Variants in PKIA observed in about 807,000 individuals in gnomAD.
The protein encoded by PKIA is cAMP-dependent protein kinase inhibitor alpha.
In PKIA, 4 loss-of-function variants were observed where a neutral mutation model predicts 7.6. The observed-to-expected ratio is 0.52, with a 90% CI of 0.26 to 1.20. The LOEUF is 1.20. Ranked by LOEUF, PKIA falls within the 50% of genes most tolerant of loss-of-function variation. The probability of loss-of-function intolerance (pLI) is 0.13; values close to 1 mark genes in which losing one functional copy is unlikely to be tolerated. For synonymous variants in PKIA, 21 were observed against 30.7 expected (o/e 0.68, Z 1.04); for missense variants, 73 against 86.2 (o/e 0.85, Z 0.61).
chr8:78,532,251 T>C (rs1380028251), intron 1 of PKIA, among the ~76,000 whole-genome samples: 1 of 152,048 alleles, frequency 6.6e-6, no homozygotes, highest in East Asian at 1.9e-4. Flanking sequence ...TATTTAATAT[T>C]AATAAAATTT....
At chr8:78,553,168 C>T (rs1463899485) in intron 1 of PKIA, among the ~76,000 whole-genome samples, 4 of 149,680 alleles carry the variant, frequency 2.7e-5, no homozygotes, top group African/African-American at 9.8e-5. Context: ...TGACTTTATA[C>T]TCCAGTACCC....
At chr8:78,566,209 A>G (rs1807409077) in intron 1 of PKIA, among the ~76,000 whole-genome samples, 2 of 152,164 alleles carry the variant, frequency 1.3e-5, no homozygotes, top group African/African-American at 4.8e-5. Flanking sequence ...CTGTTGATTT[A>G]CATATTTGGT....
At chr8:78,601,625 C>T (rs907340931) in intron 3 of PKIA, 117 bp from the exon 4 acceptor site, 8 of 753,614 alleles carry the variant, frequency 1.1e-5, no homozygotes, top group Non-Finnish European at 1.6e-5. Flanking sequence ...CTTGTTCCTT[C>T]AAGGTTTCAG....
intron 1 of PKIA, among the ~76,000 whole-genome samples, chr8:78,572,526 CA>C (rs1004570255): frequency 1.4e-5 from 2 of 145,432 alleles, no homozygotes; most frequent in South Asian, 2.2e-4. Flanking sequence ...CACCCCATCA[CA>C]AAAAAAGCTG....
chr8:78,565,149 C>G lies in PKIA; in HGVS notation c.-156-7662C>G, dbSNP rs1807372504. ...CTGATTATACTTCCACATTATTTGG[C>G]AGAAAAATAAGAAATGTCACTTATA... On this transcript the variant is annotated intron_variant, in intron 1 of 3. Transcript: ENST00000396418. 2.0e-5 allele frequency among the ~76,000 whole-genome samples: 3 copies of G among 151,822 alleles called. No homozygotes were observed. The South Asian group carries it at 6.2e-4, about 32-fold the overall frequency.
chr8:78,552,592 A>G (rs1237764116), intron 1 of PKIA, among the ~76,000 whole-genome samples: 1 of 152,026 alleles, frequency 6.6e-6, no homozygotes, highest in Non-Finnish European at 1.5e-5. Flanking sequence ...TTGCTTAGCA[A>G]CAGAATCAGG....
At chr8:78,550,971 A>G (rs1806969649) in intron 1 of PKIA, among the ~76,000 whole-genome samples, 1 of 152,214 alleles carries the variant, frequency 6.6e-6, no homozygotes, top group South Asian at 2.1e-4. Flanking sequence ...TTTTATCTGG[A>G]TGAATTGCAA....
intron 1 of PKIA, among the ~76,000 whole-genome samples, chr8:78,554,950 T>G (rs1434897507): frequency 6.6e-6 from 1 of 152,032 alleles, no homozygotes; most frequent in African/African-American, 2.4e-5. Flanking sequence ...ATGAACCAGA[T>G]TTCTACAATC....
intron 1 of PKIA, among the ~76,000 whole-genome samples, chr8:78,523,946 T>A (rs1245832455): frequency 1.5e-5 from 2 of 135,888 alleles, no homozygotes; most frequent in African/African-American, 2.8e-5. Flanking sequence ...ATATAAACAT[T>A]TATATTTATA....
At chr8:78,589,972 GT>G (rs1184876450) in intron 2 of PKIA, among the ~76,000 whole-genome samples, 1 of 152,134 alleles carries the variant, frequency 6.6e-6, no homozygotes, top group African/African-American at 2.4e-5. Flanking sequence ...CAAACTAGTT[GT>G]TCAAACTTGG....
intron 1 of PKIA, among the ~76,000 whole-genome samples, chr8:78,555,453 A>G (rs1488710244): frequency 7.2e-5 from 11 of 152,220 alleles, no homozygotes. Context: ...TCTGCTAGGC[A>G]TCAGAACTTT....
At chr8:78,569,425 G>A (rs1807496715) in intron 1 of PKIA, among the ~76,000 whole-genome samples, 1 of 152,076 alleles carries the variant, frequency 6.6e-6, no homozygotes, top group African/African-American at 2.4e-5. Flanking sequence ...GGCCATGTGA[G>A]TCAGCGTCCC....
intron 2 of PKIA, among the ~76,000 whole-genome samples, chr8:78,586,734 C>T (rs1314350614): frequency 6.6e-6 from 1 of 152,108 alleles, no homozygotes; most frequent in East Asian, 1.9e-4. Flanking sequence ...ATATTGATGG[C>T]AAACCATTAA....
intron 1 of PKIA, among the ~76,000 whole-genome samples, chr8:78,541,489 T>A (rs1806686175): frequency 6.6e-6 from 1 of 152,170 alleles, no homozygotes; most frequent in African/African-American, 2.4e-5. Flanking sequence ...CAATAGCACA[T>A]CCTTATTAAA....
At chr8:78,543,869 C>CT (rs1806756643) in intron 1 of PKIA, among the ~76,000 whole-genome samples, 2 of 152,116 alleles carry the variant, frequency 1.3e-5, no homozygotes, top group African/African-American at 4.8e-5. Context: ...TATCCTGGCA[C>CT]TTCAGGCATT....
At chr8:78,597,803 G>C (rs1474311895) in intron 2 of PKIA, among the ~76,000 whole-genome samples, 2 of 151,954 alleles carry the variant, frequency 1.3e-5, no homozygotes, top group Non-Finnish European at 2.9e-5. Flanking sequence ...TGAGTAGTTG[G>C]GATAGAGATC....
intron 1 of PKIA, chr8:78,534,777 T>G (rs559702224): frequency 7.2e-5 from 11 of 152,256 alleles, no homozygotes; most frequent in African/African-American, 2.6e-4. Context: ...ATGTAATTTC[T>G]CAAAAATCAG....
chr8:78,601,965 A>T lies in PKIA; in HGVS notation c.*144A>T. The T allele has an allele frequency of 1.6e-6, 1 of 643,030 alleles. No individual in the cohort carries two copies. Among genetic ancestry groups the T allele is most frequent in the East Asian group, 2.7e-5 (1 of 36,450 alleles). The allele number at this position is 643,030 out of a possible 1,614,324, so 39.8% of individuals were successfully genotyped here. On this transcript the variant is annotated 3_prime_UTR_variant, in exon 4 of 4. Coordinates refer to ENST00000396418, the MANE Select transcript of PKIA (RefSeq NM_006823.4). ...GAACCTGCTCATTATCATGTTAAAAATGAGGGCAGAGGCTGTGGCTGCAGG... is the reference window on the plus strand; with the variant it reads ...GAACCTGCTCATTATCATGTTAAAATTGAGGGCAGAGGCTGTGGCTGCAGG...
At chr8:78,549,770 G>A (rs537193189) in intron 1 of PKIA, among the ~76,000 whole-genome samples, 4 of 150,708 alleles carry the variant, frequency 2.7e-5, no homozygotes, top group South Asian at 2.1e-4. Flanking sequence ...TAGGAAAAGC[G>A]ATTACTTGAG....
Sources: gnomAD v4.1 joint callset for allele counts (sites outside exome capture counted in the v4.1 genomes callset) on GRCh38, gnomAD v4.1.1 for gene constraint, MANE v1.5 for transcripts, NCBI Gene and HGNC (gene_info 2026-07-23, HGNC 2026-07-21) for gene names.